The following MYH10 variants were observed in gnomAD, a reference collection of about 807,000 sequenced individuals.
MYH10 encodes myosin heavy chain 10.
MYH10 carries 55 observed loss-of-function variants against 257.8 expected under a neutral mutation model. That is an observed-to-expected ratio of 0.21 (90% CI 0.17 to 0.27). The LOEUF (loss-of-function observed/expected upper bound fraction) is 0.27, where lower values mean the gene tolerates loss of function less well. Among genes scored for constraint, MYH10 ranks in the 10% least tolerant of loss-of-function variants. The probability of loss-of-function intolerance (pLI) is 1.00; values close to 1 mark genes in which losing one functional copy is unlikely to be tolerated. For synonymous variants in MYH10, 854 were observed against 921.7 expected (o/e 0.93, Z 1.33); for missense variants, 1,631 against 2,500.6 (o/e 0.65, Z 7.42).
chr17:8,521,483 G>A (rs182251645), intron 17 of MYH10, 198 bp from the exon 18 acceptor site: 754 of 596,072 alleles, frequency 1.3e-3, no homozygotes, highest in Middle Eastern at 2.2e-3. Context: ...GCAGGATACT[G>A]TAGTGCTTTG....
At chr17:8,548,178 A>G (rs2082505600) in intron 11 of MYH10, 135 bp downstream of exon 11, 3 of 609,382 alleles carry the variant, frequency 4.9e-6, no homozygotes, top group Non-Finnish European at 8.5e-6. Context: ...TCGTGTAAAT[A>G]CACGATGTTG....
chr17:8,513,241 G>A (rs978021613), intron 23 of MYH10, among the ~76,000 whole-genome samples: 15 of 152,092 alleles, frequency 9.9e-5, no homozygotes, highest in African/African-American at 1.7e-4. Context: ...TGACAGTACC[G>A]GGAACCTCAT....
Position 8,622,890 on chromosome 17 carries a change from A to T in MYH10, c.345+12T>A. ...CTACCACTTCACATGATTATTTGGAAGAAATACTTACATAGATTAGTCCTG... is the reference window on the plus strand; with the variant it reads ...CTACCACTTCACATGATTATTTGGATGAAATACTTACATAGATTAGTCCTG... On this transcript the variant is annotated intron_variant, in intron 2 of 42. Coordinates refer to ENST00000360416, the MANE Select transcript of MYH10 (RefSeq NM_001256012.3). 1.2e-6 allele frequency: 2 copies of T among 1,609,640 alleles called. No homozygotes were observed. The highest frequency in any genetic ancestry group is 1.7e-6 in the Non-Finnish European group (2 of 1,178,362).
rs912816406 is a variant in MYH10, at chr17:8,521,500, CCACACCAACA to C, written c.1958-225_1958-216del. 9.1e-5 allele frequency: 52 copies of C among 573,096 alleles called. No homozygotes were observed. In the Middle Eastern group the frequency reaches 1.4e-3, roughly 15 times the overall value. 35.5% of individuals were successfully genotyped at this position (573,096 alleles called of 1,614,324 possible). A position where few individuals can be genotyped will look rare whatever the true frequency, so the allele number is the denominator to read the frequency against. On this transcript the variant is annotated intron_variant, in intron 17 of 42. Coordinates refer to ENST00000360416, the MANE Select transcript of MYH10 (RefSeq NM_001256012.3). ...AGGATACTGTAGTGCTTTGACAGCT[CCACACCAACA>C]CACACCAGCAGATGCCTTCCGCTGC...
chr17:8,579,614 C>T (rs542027345), intron 4 of MYH10, among the ~76,000 whole-genome samples: 2 of 152,246 alleles, frequency 1.3e-5, no homozygotes, highest in African/African-American at 2.4e-5. Flanking sequence ...CTCATGTTAT[C>T]GTAACATTAG....
At chr17:8,542,591 T>C (rs535924490) in intron 13 of MYH10, among the ~76,000 whole-genome samples, 6 of 152,330 alleles carry the variant, frequency 3.9e-5, no homozygotes, top group Middle Eastern at 3.4e-3. Context: ...ACAATTCAGT[T>C]CTTATTAGTG....
At chr17:8,547,597 G>T (rs913239806) in intron 11 of MYH10, among the ~76,000 whole-genome samples, 1 of 151,758 alleles carries the variant, frequency 6.6e-6, no homozygotes, top group East Asian at 1.9e-4. Flanking sequence ...GCCTTCACCC[G>T]CCACAGTGGA....
At chr17:8,598,669 T>C (rs1422322864) in intron 3 of MYH10, among the ~76,000 whole-genome samples, 3 of 152,170 alleles carry the variant, frequency 2.0e-5, no homozygotes, top group Non-Finnish European at 4.4e-5. Context: ...AAAGTGGCTT[T>C]TGCCATAACT....
At chr17:8,531,796 G>A (rs939110356) in intron 16 of MYH10, among the ~76,000 whole-genome samples, 2 of 151,978 alleles carry the variant, frequency 1.3e-5, no homozygotes, top group Admixed American at 6.5e-5. Context: ...TCAACTTGTC[G>A]TTTTCTGCTT....
rs1180229746 is a variant in MYH10 at position 8,495,125 on chromosome 17, C to T, written c.4056+12G>A. 1.3e-6 allele frequency: 2 copies of T among 1,512,580 alleles called. No individual in the cohort carries two copies. The highest frequency in any genetic ancestry group is 1.8e-6 in the Non-Finnish European group (2 of 1,087,980). 93.7% of individuals were successfully genotyped at this position (1,512,580 alleles called of 1,614,324 possible). Reference sequence around the variant, plus strand: ...TAGTTATTATAAAGACCCCTTGCTCCCCAGGGAATACCTGTGTATCCTGTA... The same window carrying T: ...TAGTTATTATAAAGACCCCTTGCTCTCCAGGGAATACCTGTGTATCCTGTA... On this transcript the variant is annotated intron_variant, in intron 31 of 42. Coordinates refer to ENST00000360416, the MANE Select transcript of MYH10 (RefSeq NM_001256012.3).
At chr17:8,486,564 A>G (rs1389990509) in intron 36 of MYH10, among the ~76,000 whole-genome samples, 2 of 13,224 alleles carry the variant, frequency 1.5e-4, no homozygotes, top group African/African-American at 2.6e-4. Context: ...AAAAAAAAAA[A>G]AAAAAAAAAA....
chr17:8,541,102 A>G (rs1214807698), intron 14 of MYH10, among the ~76,000 whole-genome samples: 1 of 152,204 alleles, frequency 6.6e-6, no homozygotes, highest in African/African-American at 2.4e-5. Context: ...AATAGGGGTG[A>G]ATGTCTTCTA....
At chr17:8,507,734 G>A (rs987546441) in intron 26 of MYH10, among the ~76,000 whole-genome samples, 5 of 152,230 alleles carry the variant, frequency 3.3e-5, no homozygotes, top group African/African-American at 9.6e-5. Context: ...CACTCTGGGA[G>A]GCCAAGGTGG....
chr17:8,604,284 T>C (rs918390005), intron 3 of MYH10, among the ~76,000 whole-genome samples: 2 of 152,212 alleles, frequency 1.3e-5, no homozygotes, highest in Admixed American at 6.5e-5. Flanking sequence ...CTTTTAAAAA[T>C]GTCCCTCCAT....
At chr17:8,612,064 T>C (rs2085059815) in intron 2 of MYH10, among the ~76,000 whole-genome samples, 1 of 152,226 alleles carries the variant, frequency 6.6e-6, no homozygotes, top group South Asian at 2.1e-4. Flanking sequence ...CTGAGTAGTG[T>C]GATGAAATCT....
rs1329177632 is a variant in MYH10 at position 8,474,647 on chromosome 17, A to G, written c.*1157T>C. On this transcript the variant is annotated 3_prime_UTR_variant, in exon 43 of 43. Coordinates refer to ENST00000360416, the MANE Select transcript of MYH10 (RefSeq NM_001256012.3). ...GTTATAGAGGCGAATGATATATTCA[A>G]CATTGTCTTAGTACTGTAGTGTCTA... 6.6e-6 allele frequency: 1 copy of G among 152,664 alleles called. No homozygotes were observed. Among genetic ancestry groups the G allele is most frequent in the Non-Finnish European group, 1.5e-5 (1 of 68,042 alleles). The allele number at this position is 152,664 out of a possible 1,614,324, so 9.5% of individuals were successfully genotyped here.
In MYH10 at chr17:8,481,322, T is replaced by C; in HGVS notation, c.5264A>G (p.Lys1755Arg). ...CCACCCCCGGCCGTGGGAGACTCAC[T>C]TGCCAGAGGCGCTGTTGGTGATCTC... ...ADEITNSASG[K>R]SALLDEKRRL... Residue 1755 changes from lysine (K) to arginine (R), a missense_variant and splice_region_variant, in exon 38 of 43, where the codon AAG (lysine) becomes AGG (arginine). Physicochemically the swap from Lys to Arg is conservative, Grantham distance 26 (BLOSUM62 2). This residue lies in a region of MYH10 where 343 missense variants were observed against 389.5 expected (regional missense o/e 0.88). Coordinates refer to ENST00000360416, the MANE Select transcript of MYH10 (RefSeq NM_001256012.3). 1 of 1,613,780 alleles carries C rather than the reference T, an allele frequency of 6.2e-7. No individual in the cohort carries two copies. The highest frequency in any genetic ancestry group is 2.2e-5 in the East Asian group (1 of 44,880).
At chr17:8,483,047 C>A (rs1914122007) in intron 37 of MYH10, among the ~76,000 whole-genome samples, 1 of 152,108 alleles carries the variant, frequency 6.6e-6, no homozygotes, top group African/African-American at 2.4e-5. Flanking sequence ...TGTGATAAAA[C>A]TAGAAATCAA....
At chr17:8,488,373 C>G (rs1042597329) in intron 35 of MYH10, among the ~76,000 whole-genome samples, 2 of 152,204 alleles carry the variant, frequency 1.3e-5, no homozygotes, top group Non-Finnish European at 2.9e-5. Context: ...AGCTGTTGAG[C>G]TCCAAACCTT....
Sources: allele counts gnomAD v4.1 joint callset (sites outside exome capture counted in the v4.1 genomes callset), GRCh38; gene constraint gnomAD v4.1.1; regional missense constraint gnomAD v4.1.1; transcripts MANE v1.5; gene names NCBI Gene and HGNC (gene_info 2026-07-23, HGNC 2026-07-21).